Variants in PITRM1 observed in about 807,000 individuals in gnomAD.
PITRM1 encodes the protein presequence protease, mitochondrial.
PITRM1 carries 100 observed loss-of-function variants against 129.9 expected under a neutral mutation model. That is an observed-to-expected ratio of 0.77 (90% CI 0.65 to 0.91). PITRM1 has a LOEUF of 0.91. Among genes scored for constraint, PITRM1 ranks in the 40% least tolerant of loss-of-function variants. The pLI is 0.00. For synonymous variants in PITRM1, 591 were observed against 508.8 expected, an observed-to-expected ratio of 1.16 and a Z score of -2.17; for missense variants, 1,471 against 1,318.3, an observed-to-expected ratio of 1.12 and a Z score of -1.79.
Position 3,145,825 on chromosome 10 carries a change from CAG to C in PITRM1, c.2337-111_2337-110del, listed in dbSNP as rs1205355955. The C allele has an allele frequency of 7.7e-6, 7 of 910,832 alleles. No individual in the cohort carries two copies. In the African/African-American group the frequency reaches 9.9e-5, roughly 13 times the overall value. 56.4% of individuals were successfully genotyped at this position (910,832 alleles called of 1,614,324 possible). On this transcript the variant is annotated intron_variant, in intron 20 of 26. Coordinates refer to ENST00000224949, the MANE Select transcript of PITRM1 (RefSeq NM_014889.4). ...TGTTGTTTTTATAGAAAATACTGTT[CAG>C]AGTGTTAAACAGCAGCCAAATGTGG...
chr10:3,138,198 C>A (rs1001056843), intron 26 of PITRM1, 37 bp downstream of exon 26: 9 of 1,585,668 alleles, frequency 5.7e-6, no homozygotes, highest in Non-Finnish European at 6.9e-6. Flanking sequence ...ACGAGGGCTT[C>A]CAGTCCCAGA....
At chr10:3,171,236 T>C (rs1215608232) in intron 1 of PITRM1, among the ~76,000 whole-genome samples, 2 of 88,942 alleles carry the variant, frequency 2.2e-5, no homozygotes, top group Non-Finnish European at 4.4e-5. Context: ...ATGGGTCACA[T>C]AACGTGAAAC....
In PITRM1 at chr10:3,138,296, G is replaced by A. The variant is rs1239921341; in HGVS notation, c.2959C>T (p.Gln987Ter). The change falls in exon 26 of 27, where the codon CAG (glutamine) becomes TAG (stop). Residue 987 changes from glutamine to a stop codon, truncating the protein, a stop_gained. Transcript: ENST00000224949. LOFTEE classifies it high-confidence loss of function. ...GCAAAGAGCTGCTCTCTGTGGGCCTGCTTCATCTCATCCGAGAGGCCGTAC... is the reference window on the plus strand; with the variant it reads ...GCAAAGAGCTGCTCTCTGTGGGCCTACTTCATCTCATCCGAGAGGCCGTAC... ...FLYGLSDEMK[Q>*]AHREQLFAVS... The A allele has an allele frequency of 2.6e-5, 42 of 1,613,684 alleles. No individual in the cohort carries two copies. The highest frequency in any genetic ancestry group is 3.5e-5 in the Non-Finnish European group (41 of 1,179,742).
rs752000592 is a variant in PITRM1 at position 3,138,102 on chromosome 10, T to C, written c.3043A>G (p.Thr1015Ala). 38 of 1,610,596 alleles carry C rather than the reference T, an allele frequency of 2.4e-5. No homozygotes were observed. Among genetic ancestry groups the C allele is most frequent in the Non-Finnish European group, 3.1e-5 (37 of 1,178,516 alleles). Residue 1015 changes from threonine to alanine, a missense_variant, in exon 27 of 27, where the codon ACA becomes GCA. By Grantham distance (58) the Thr-to-Ala change is moderately conservative. Coordinates refer to ENST00000224949, the MANE Select transcript of PITRM1 (RefSeq NM_014889.4). ...GGTCCGAGGATGGCCAGGCCGTGTG[T>C]GCTCTTCCCAGTGCCGAGGTATCTG... Reference protein sequence around the residue: ...SDRYLGTGKSTHGLAILGPEN... With the variant: ...SDRYLGTGKSAHGLAILGPEN...
intron 7 of PITRM1, among the ~76,000 whole-genome samples, chr10:3,160,832 C>A (rs541364420): frequency 6.6e-6 from 1 of 152,052 alleles, no homozygotes; most frequent in Non-Finnish European, 1.5e-5. Context: ...ACAATCTCAG[C>A]TCACTGCAAC....
intron 23 of PITRM1, among the ~76,000 whole-genome samples, chr10:3,142,265 G>T (rs978216680): frequency 2.0e-5 from 3 of 152,154 alleles, no homozygotes; most frequent in African/African-American, 7.2e-5. Context: ...GGCCCCCACT[G>T]CAGCCCCACG....
At position 3,151,229 on chromosome 10, in the gene PITRM1, C is replaced by A; in HGVS notation, c.1738+18G>T. The A allele has an allele frequency of 7.4e-7, 1 of 1,355,702 alleles. No individual in the cohort carries two copies. Among genetic ancestry groups the A allele is most frequent in the Middle Eastern group, 1.8e-4 (1 of 5,584 alleles). The allele number at this position is 1,355,702 out of a possible 1,614,324, so 84.0% of individuals were successfully genotyped here. A position where few individuals can be genotyped will look rare whatever the true frequency, so the allele number is the denominator to read the frequency against. Reference sequence around the variant, plus strand: ...CAAGGAACCCGAGACCCGGGAAAAGCGTAGCGTTCACAGTGACCTGTCAGG... The same window carrying A: ...CAAGGAACCCGAGACCCGGGAAAAGAGTAGCGTTCACAGTGACCTGTCAGG... On this transcript the variant is annotated intron_variant, in intron 15 of 26. Transcript: ENST00000224949.
In PITRM1 at chr10:3,157,038, A is replaced by G; in HGVS notation, c.1374T>C (p.Asp458=). Residue 458 remains aspartate (D), a synonymous_variant, in exon 13 of 27, where the codon GAT becomes GAC. Transcript: ENST00000224949. ...ACTTCAAGAGCTCCACAGGGTCCCCATCATGGTTCCAGCAAGAAGCTATGT... is the reference window on the plus strand; with the variant it reads ...ACTTCAAGAGCTCCACAGGGTCCCCGTCATGGTTCCAGCAAGAAGCTATGT... The part of the protein sequence containing the change: ...TSYIASCWNH[D]GDPVELLKLG... 6 of 1,610,310 alleles carry G rather than the reference A, an allele frequency of 3.7e-6. No homozygotes were observed. The highest frequency in any genetic ancestry group is 5.1e-6 in the Non-Finnish European group (6 of 1,179,028).
intron 10 of PITRM1, among the ~76,000 whole-genome samples, chr10:3,158,666 T>C (rs1034914901): frequency 2.6e-5 from 4 of 152,198 alleles, no homozygotes; most frequent in African/African-American, 9.7e-5. Context: ...AATGTCCCCT[T>C]GGGGGGACAC....
In PITRM1 at chr10:3,137,898, C is replaced by T; in HGVS notation, c.*133G>A. ...TCTTAAGATAGATCTGAGTTTTTGA[C>T]TCGCCAGTCAAGGGCTTTGGCGACA... On this transcript the variant is annotated 3_prime_UTR_variant, in exon 27 of 27. Transcript: ENST00000224949. 1 of 621,768 alleles carries T rather than the reference C, an allele frequency of 1.6e-6. No individual in the cohort carries two copies. Among genetic ancestry groups the T allele is most frequent in the Non-Finnish European group, 2.8e-6 (1 of 351,202 alleles). The allele number at this position is 621,768 out of a possible 1,614,324, so 38.5% of individuals were successfully genotyped here.
chr10:3,153,461 T>G (rs1768406126), intron 14 of PITRM1, among the ~76,000 whole-genome samples: 1 of 151,962 alleles, frequency 6.6e-6, no homozygotes, highest in Non-Finnish European at 1.5e-5. Flanking sequence ...CCACTAAAAA[T>G]ACAAAAAATC....
intron 22 of PITRM1, 86 bp from the exon 23 acceptor site, chr10:3,143,587 C>T (rs1052533209): frequency 1.6e-5 from 15 of 917,038 alleles, no homozygotes; most frequent in African/African-American, 1.1e-4. Flanking sequence ...GGGTCAGAGG[C>T]GGCTGTGCTC....
chr10:3,166,207 C>G (rs2132504645), intron 4 of PITRM1, 22 bp downstream of exon 4: 8 of 1,568,318 alleles, frequency 5.1e-6, no homozygotes, highest in Non-Finnish European at 6.9e-6. Context: ...AAAGCAGTTT[C>G]TGTTCAGGAT....
rs757092365 is a variant in PITRM1, at chr10:3,144,322, A to ATGGGAACG, written c.2501_2502insCGTTCCCA (p.Gly835ValfsTer22). On this transcript the variant is annotated frameshift_variant, in exon 22 of 27. Coordinates refer to ENST00000224949, the MANE Select transcript of PITRM1 (RefSeq NM_014889.4). LOFTEE classifies it high-confidence loss of function. ...CCAGCTTCCTAATGACCTGGGAGCCATGGGGAACGTGGGCATCTCCACCAG... is the reference window on the plus strand; with the variant it reads ...CCAGCTTCCTAATGACCTGGGAGCCATGGGAACGTGGGGAACGTGGGCATCTCCACCAG... The ATGGGAACG allele has an allele frequency of 1.3e-6, 2 of 1,562,966 alleles. No homozygotes were observed. Among genetic ancestry groups the ATGGGAACG allele is most frequent in the Non-Finnish European group, 1.7e-6 (2 of 1,152,370 alleles).
intron 16 of PITRM1, chr10:3,148,507 G>A (rs2291102): frequency 0.22 from 117,752 of 533,894 alleles, 14,434 homozygotes; most frequent in Non-Finnish European, 0.26. Context: ...AGTTTCTCCC[G>A]CCTAGGAAGT....
At position 3,162,562 on chromosome 10, in the gene PITRM1, G is replaced by A. The variant is rs148002201; in HGVS notation, c.791+1163C>T. On this transcript the variant is annotated intron_variant, in intron 7 of 26. Coordinates refer to ENST00000224949, the MANE Select transcript of PITRM1 (RefSeq NM_014889.4). Reference sequence around the variant, plus strand: ...GTGGCTGACTCTCAGCATGGACCCCGCTGGTGTGAGATCCCCAGTGGAGGC... The same window carrying A: ...GTGGCTGACTCTCAGCATGGACCCCACTGGTGTGAGATCCCCAGTGGAGGC... Among the ~76,000 whole-genome samples the A allele has an allele frequency of 1.3e-3, 201 of 152,298 alleles. 2 individuals carry two copies. The Middle Eastern group carries it at 0.014, about 10-fold the overall frequency.
Position 3,159,868 on chromosome 10 carries a change from G to A in PITRM1, c.987C>T (p.Ser329=), listed in dbSNP as rs1055892340. Residue 329 remains serine, a synonymous_variant, in exon 9 of 27, where the codon AGC becomes AGT. Transcript: ENST00000224949. ...CTTACTCCGGTAAGAGGAAGCTAACGCTGATGGTTGTTTGTTTAGAGGGAT... is the reference window on the plus strand; with the variant it reads ...CTTACTCCGGTAAGAGGAAGCTAACACTGATGGTTGTTTGTTTAGAGGGAT... ...ATDPSKQTTI[S]VSFLLPDITD... is the part of the protein sequence containing the mutation. The A allele has an allele frequency of 1.6e-5, 25 of 1,600,278 alleles. 1 individual carries two copies. In the Admixed American group the frequency reaches 2.9e-4, roughly 18 times the overall value.
intron 25 of PITRM1, 126 bp downstream of exon 25, chr10:3,138,778 G>T: frequency 1.1e-6 from 1 of 893,190 alleles, no homozygotes; most frequent in African/African-American, 1.6e-5. Flanking sequence ...CGTGGAAATC[G>T]TATCACAAGC....
rs1841915488 is a variant in PITRM1, at chr10:3,155,654, T to C, written c.1558A>G (p.Thr520Ala). Residue 520 changes from threonine to alanine, a missense_variant, in exon 14 of 27, where the codon ACG (threonine) becomes GCG (alanine). Thr to Ala is a moderately conservative substitution (Grantham distance 58, BLOSUM62 0). Coordinates refer to ENST00000224949, the MANE Select transcript of PITRM1 (RefSeq NM_014889.4). Reference protein sequence around the residue: ...YHEKQAQVEATKLKQKVEALS... With the variant: ...YHEKQAQVEAAKLKQKVEALS... ...GCCTCGACCTTCTGCTTGAGCTTCG[T>C]GGCTTCCACCTGTGCCTGCTTCTCG... 3 of 1,613,838 alleles carry C rather than the reference T, an allele frequency of 1.9e-6. No homozygotes were observed. In the African/African-American group the frequency reaches 4.0e-5, roughly 22 times the overall value.
Sources: gnomAD v4.1 joint callset for allele counts (sites outside exome capture counted in the v4.1 genomes callset) on GRCh38, gnomAD v4.1.1 for gene constraint, MANE v1.5 for transcripts, NCBI Gene and HGNC (gene_info 2026-07-23, HGNC 2026-07-21) for gene names.